The following OPHN1 variants were observed in gnomAD, a reference collection of about 807,000 sequenced individuals.
The protein encoded by OPHN1 is oligophrenin-1.
OPHN1 carries 11 observed loss-of-function variants against 60.7 expected under a neutral mutation model. The ratio of observed to expected loss-of-function variants is 0.18; its 90% CI spans 0.11 to 0.30. The LOEUF is 0.30. Ranked by LOEUF, OPHN1 falls within the 10% of genes least tolerant of loss-of-function variation. OPHN1 has a pLI of 1.00. For missense variants in OPHN1, 449 were observed against 611.0 expected, an observed-to-expected ratio of 0.73 and a Z score of 2.80; for synonymous variants, 226 against 222.6, an observed-to-expected ratio of 1.02 and a Z score of -0.14.
rs2078894826 is a variant in OPHN1 at position 68,433,184 on chromosome X, C to CA, written c.-22_-21insT. The CA allele has an allele frequency of 1.9e-6, 1 of 516,816 alleles. No homozygotes were observed. The highest frequency in any genetic ancestry group is 2.4e-5 in the African/African-American group (1 of 42,219). 42.6% of individuals were successfully genotyped at this position (516,816 alleles called of 1,213,427 possible). A position where few individuals can be genotyped will look rare whatever the true frequency, so the allele number is the denominator to read the frequency against. On this transcript the variant is annotated 5_prime_UTR_variant, in exon 1 of 25. Coordinates refer to ENST00000355520, the MANE Select transcript of OPHN1 (RefSeq NM_002547.3). Reference sequence around the variant, plus strand: ...GACAGGTACCTGTTTCAGTGAGACTCCTGAGGAGCGCTGGCTGGTCCGGAC... The same window carrying CA: ...GACAGGTACCTGTTTCAGTGAGACTCACTGAGGAGCGCTGGCTGGTCCGGAC...
chrX:68,271,244 G>T (rs189222771), intron 5 of OPHN1, among the ~76,000 whole-genome samples: 10 of 110,930 alleles, frequency 9.0e-5, no homozygotes, highest in Non-Finnish European at 1.7e-4. Flanking sequence ...GCAGTAATTT[G>T]GTGGGGCGTG....
chrX:68,064,094 T>A lies in OPHN1; in HGVS notation c.1918A>T (p.Ile640Phe), dbSNP rs778146150. The A allele has an allele frequency of 1.7e-6, 2 of 1,210,178 alleles. No homozygotes were observed. The highest frequency in any genetic ancestry group is 5.9e-5 in the East Asian group (2 of 33,798). ...PKPPQHPKLP[I>F]QRSGETDPGR... ...GGATCAGTTTCCCCACTCCTCTGAA[T>A]AGGTAGTTTGGGGTGTTGTGGTGGC... The change falls in exon 21 of 25, where the codon ATT becomes TTT. Residue 640 changes from isoleucine to phenylalanine, a missense_variant. Ile to Phe is a conservative substitution (Grantham distance 21). Transcript: ENST00000355520.
At chrX:68,118,602 T>C (rs2077137287) in intron 16 of OPHN1, among the ~76,000 whole-genome samples, 1 of 111,688 alleles carries the variant, frequency 9.0e-6, no homozygotes. Flanking sequence ...TGGTAAGAAA[T>C]CAATGTGTTT....
intron 5 of OPHN1, among the ~76,000 whole-genome samples, chrX:68,265,590 G>C (rs1446982786): frequency 1.8e-5 from 2 of 111,328 alleles, no homozygotes; most frequent in Non-Finnish European, 3.8e-5. Context: ...AAACAGAGAA[G>C]AAAAACTGGA....
intron 2 of OPHN1, among the ~76,000 whole-genome samples, chrX:68,311,582 G>A (rs924471116): frequency 4.5e-5 from 5 of 110,862 alleles, no homozygotes; most frequent in South Asian, 7.7e-4. Flanking sequence ...ATAAGCACCC[G>A]CCATCGCACC....
intron 2 of OPHN1, among the ~76,000 whole-genome samples, chrX:68,331,674 T>C (rs2078295603): frequency 9.9e-6 from 1 of 101,346 alleles, no homozygotes; most frequent in African/African-American, 3.7e-5. Context: ...CAGGTTGCAG[T>C]GAGCCAAGAT....
At chrX:68,367,360 A>AT (rs1602358996) in intron 2 of OPHN1, among the ~76,000 whole-genome samples, 3 of 107,206 alleles carry the variant, frequency 2.8e-5, no homozygotes. Context: ...TCTCGGGAAA[A>AT]AAAAAAAAAA....
intron 2 of OPHN1, among the ~76,000 whole-genome samples, chrX:68,350,462 T>TACTCCCTCCCTC (rs2078402848): frequency 1.4e-5 from 1 of 69,324 alleles, no homozygotes; most frequent in African/African-American, 7.0e-5. Flanking sequence ...CTCCCTTCCT[T>TACTCCCTCCCTC]CCTTCCTTCC....
chrX:68,122,050 C>A (rs1052354201), intron 15 of OPHN1, among the ~76,000 whole-genome samples: 2 of 110,519 alleles, frequency 1.8e-5, no homozygotes, highest in South Asian at 7.9e-4. Context: ...GGGCCTTAGA[C>A]GAAACTTTGT....
intron 2 of OPHN1, among the ~76,000 whole-genome samples, chrX:68,414,557 A>G (rs1424249893): frequency 8.9e-6 from 1 of 112,534 alleles, no homozygotes; most frequent in East Asian, 2.8e-4. Context: ...CTTAAACAGT[A>G]GAGACTAACA....
chrX:68,238,518 C>T (rs2077764126), intron 5 of OPHN1, among the ~76,000 whole-genome samples: 1 of 110,616 alleles, frequency 9.0e-6, no homozygotes, highest in Non-Finnish European at 1.9e-5. Context: ...ATAATATTAA[C>T]GAAATCCATT....
chrX:68,257,243 C>T (rs2077868651), intron 5 of OPHN1, among the ~76,000 whole-genome samples: 2 of 112,101 alleles, frequency 1.8e-5, no homozygotes, highest in South Asian at 7.3e-4. Flanking sequence ...CTTCCAGAAA[C>T]CCATTTGCTA....
intron 21 of OPHN1, among the ~76,000 whole-genome samples, chrX:68,059,235 T>C (rs1295149013): frequency 4.5e-5 from 5 of 112,130 alleles, no homozygotes; most frequent in African/African-American, 1.6e-4. Flanking sequence ...CTCTCTAATC[T>C]CTGTCAAATG....
chrX:68,099,543 ATAAC>A (rs2077049936), intron 18 of OPHN1, among the ~76,000 whole-genome samples: 2 of 112,007 alleles, frequency 1.8e-5, no homozygotes, highest in East Asian at 5.6e-4. Context: ...CATCAACAGA[ATAAC>A]TTCTAGTTTT....
chrX:68,295,627 T>C (rs1043873472), intron 3 of OPHN1, among the ~76,000 whole-genome samples: 13 of 112,692 alleles, frequency 1.2e-4, no homozygotes, highest in Non-Finnish European at 9.4e-5. Context: ...AAGGCATAGA[T>C]GTCTAACTCT....
At chrX:68,243,800 C>G (rs1374252783) in intron 5 of OPHN1, among the ~76,000 whole-genome samples, 3 of 111,831 alleles carry the variant, frequency 2.7e-5, no homozygotes, top group Non-Finnish European at 3.8e-5. Context: ...AAAAAATTAA[C>G]CTTACTAAGC....
intron 2 of OPHN1, among the ~76,000 whole-genome samples, chrX:68,351,760 G>C (rs1354068249): frequency 9.0e-6 from 1 of 110,875 alleles, no homozygotes; most frequent in African/African-American, 3.3e-5. Flanking sequence ...GCAGTGCCGC[G>C]ATCTCGGCTC....
At chrX:68,169,623 G>A (rs1186381051) in intron 15 of OPHN1, among the ~76,000 whole-genome samples, 6 of 107,680 alleles carry the variant, frequency 5.6e-5, no homozygotes, top group East Asian at 5.8e-4. Context: ...CAGAAATAAC[G>A]CCACATATCT....
intron 21 of OPHN1, among the ~76,000 whole-genome samples, chrX:68,055,203 T>C (rs988792767): frequency 5.4e-5 from 6 of 111,861 alleles, no homozygotes; most frequent in Non-Finnish European, 9.4e-5. Flanking sequence ...GTCTGGAGTT[T>C]TGTAGACCTG....
Sources: gnomAD v4.1 joint callset for allele counts (sites outside exome capture counted in the v4.1 genomes callset) on GRCh38, gnomAD v4.1.1 for gene constraint, MANE v1.5 for transcripts, NCBI Gene and HGNC (gene_info 2026-07-23, HGNC 2026-07-21) for gene names.